Variants in NAA11 observed in about 807,000 individuals in gnomAD.
NAA11 encodes the protein N-alpha-acetyltransferase 11, NatA catalytic subunit, also known as N-alpha-acetyltransferase 11.
Under a neutral mutation model 16.1 loss-of-function variants are expected in NAA11, and 15 were observed. That is an observed-to-expected ratio of 0.93 (90% CI 0.62 to 1.44). NAA11 has a LOEUF of 1.44. Among genes scored for constraint, NAA11 ranks in the 40% most tolerant of loss-of-function variants. NAA11 has a pLI of 0.00. For missense variants in NAA11, 298 were observed against 291.3 expected (o/e 1.02, Z -0.17); for synonymous variants, 122 against 112.4 (o/e 1.09, Z -0.54).
downstream of NAA11, among the ~76,000 whole-genome samples, chr4:79,222,424 G>T (rs1245635532): frequency 6.0e-5 from 9 of 151,180 alleles, no homozygotes; most frequent in Admixed American, 6.0e-4. Flanking sequence ...ATGGTGCTGG[G>T]AAAACTGGCT....
the NAA11 span, among the ~76,000 whole-genome samples, chr4:79,187,065 A>G: frequency 6.6e-6 from 1 of 152,292 alleles, no homozygotes; most frequent in East Asian, 1.9e-4. Context: ...TATTTTTATT[A>G]TTACATTTTA....
chr4:79,161,737 T>C, the NAA11 span, among the ~76,000 whole-genome samples: 2 of 151,368 alleles, frequency 1.3e-5, no homozygotes, highest in African/African-American at 4.9e-5. Context: ...TGCAGTGGCA[T>C]GATCTCGGCT....
intron 2 of NAA11, among the ~76,000 whole-genome samples, chr4:79,285,895 A>C (rs1410159025): frequency 9.9e-5 from 15 of 152,046 alleles, no homozygotes; most frequent in Admixed American, 9.2e-4. Flanking sequence ...TAGGCATTCA[A>C]ATATTCCATT....
Position 79,294,889 on chromosome 4 carries a change from A to G in NAA11, c.*13-775T>C, listed in dbSNP as rs1723174253. ...AAACCTTCTTATTGCCTATTTTTGT[A>G]TAATTTACGCCTATAGTTCATCCCC... On this transcript the variant is annotated intron_variant and NMD_transcript_variant, in intron 1 of 2. Transcript: ENST00000511542. Among the ~76,000 whole-genome samples, 4 of 152,314 alleles carry G rather than the reference A, an allele frequency of 2.6e-5. No homozygotes were observed. In the South Asian group the frequency reaches 8.3e-4, roughly 32 times the overall value.
At chr4:79,218,852 T>C in the NAA11 span, among the ~76,000 whole-genome samples, 1 of 152,156 alleles carries the variant, frequency 6.6e-6, no homozygotes, top group Non-Finnish European at 1.5e-5. Context: ...ATGTATATGC[T>C]GAATTCAATT....
intron 2 of NAA11, among the ~76,000 whole-genome samples, chr4:79,292,110 G>C (rs1723100311): frequency 1.3e-5 from 2 of 152,270 alleles, no homozygotes; most frequent in African/African-American, 4.8e-5. Context: ...TTAGACATCA[G>C]AAACAGTTGA....
chr4:79,223,283 G>A (rs1339385767), downstream of NAA11, among the ~76,000 whole-genome samples: 1 of 146,516 alleles, frequency 6.8e-6, no homozygotes, highest in East Asian at 2.0e-4. Flanking sequence ...AAGAAAATGT[G>A]GCACATATAC....
At chr4:79,318,305 C>T (rs548125715) in intron 1 of NAA11, among the ~76,000 whole-genome samples, 4 of 152,198 alleles carry the variant, frequency 2.6e-5, no homozygotes, top group Admixed American at 1.3e-4. Context: ...CCAAAATAAC[C>T]ATAATGTTTC....
In NAA11 at chr4:79,316,675, A is replaced by G. The variant is rs1015276549; in HGVS notation, c.*1129T>C. On this transcript the variant is annotated 3_prime_UTR_variant, in exon 2 of 2. Transcript: ENST00000286794. ...GGATTTATCTGGTAACTTTTACTGCAGAGGTCAAGGTACTTTGTCTTCACT... is the reference window on the plus strand; with the variant it reads ...GGATTTATCTGGTAACTTTTACTGCGGAGGTCAAGGTACTTTGTCTTCACT... 3.9e-5 allele frequency: 6 copies of G among 152,232 alleles called. No homozygotes were observed. Among genetic ancestry groups the G allele is most frequent in the African/African-American group, 1.4e-4 (6 of 41,464 alleles). 9.4% of individuals were successfully genotyped at this position (152,232 alleles called of 1,614,324 possible). A position where few individuals can be genotyped will look rare whatever the true frequency, so the allele number is the denominator to read the frequency against.
the NAA11 span, among the ~76,000 whole-genome samples, chr4:79,216,656 A>G: frequency 6.6e-6 from 1 of 152,144 alleles, no homozygotes; most frequent in Non-Finnish European, 1.5e-5. Context: ...GACATCACTA[A>G]TCATTTAAAA....
intron 2 of NAA11, among the ~76,000 whole-genome samples, chr4:79,293,372 T>A (rs1439511042): frequency 6.6e-6 from 1 of 152,190 alleles, no homozygotes. Context: ...CAGTAGAGAA[T>A]CCCAATAATA....
At chr4:79,269,045 G>T in intron 2 of NAA11, among the ~76,000 whole-genome samples, 1 of 115,278 alleles carries the variant, frequency 8.7e-6, no homozygotes, top group African/African-American at 3.8e-5. Flanking sequence ...CATTTTTTAT[G>T]GCTGCATAGT....
chr4:79,247,779 T>C (rs1721875058), intron 2 of NAA11, among the ~76,000 whole-genome samples: 1 of 151,856 alleles, frequency 6.6e-6, no homozygotes, highest in African/African-American at 2.4e-5. Flanking sequence ...AAGGGGTGAG[T>C]TAAGCAGGTG....
chr4:79,243,695 A>G (rs1400629890), intron 2 of NAA11, among the ~76,000 whole-genome samples: 2 of 152,240 alleles, frequency 1.3e-5, no homozygotes, highest in Non-Finnish European at 2.9e-5. Context: ...TCCTCAGAAG[A>G]AAGAATTCAA....
chr4:79,303,761 TGA>T (rs1723480112), intron 1 of NAA11, among the ~76,000 whole-genome samples: 1 of 152,204 alleles, frequency 6.6e-6, no homozygotes, highest in Non-Finnish European at 1.5e-5. Flanking sequence ...AAAAAGTTGC[TGA>T]GAATAAGTTT....
the NAA11 span, among the ~76,000 whole-genome samples, chr4:79,159,700 C>T: frequency 6.6e-6 from 1 of 152,190 alleles, no homozygotes; most frequent in African/African-American, 2.4e-5. Flanking sequence ...TTAGAAGTCA[C>T]TCCCCATTAT....
At chr4:79,241,271 A>T (rs188102303) in intron 2 of NAA11, among the ~76,000 whole-genome samples, 18 of 152,306 alleles carry the variant, frequency 1.2e-4, no homozygotes, top group African/African-American at 4.1e-4. Context: ...TATTTTCTCT[A>T]GCTTACTTTA....
chr4:79,318,783 ATC>A (rs1285979883), intron 1 of NAA11, among the ~76,000 whole-genome samples: 8 of 152,256 alleles, frequency 5.3e-5, no homozygotes, highest in Admixed American at 1.3e-4. Flanking sequence ...TGTTTTAGTT[ATC>A]TCAGTAAATA....
At chr4:79,313,486 G>A (rs1170649973), downstream of NAA11, among the ~76,000 whole-genome samples, 1 of 152,144 alleles carries the variant, frequency 6.6e-6, no homozygotes, top group Non-Finnish European at 1.5e-5. Context: ...CTCTAGGTAA[G>A]CGCCTGTGAA....
Sources: gnomAD v4.1 joint callset for allele counts (sites outside exome capture counted in the v4.1 genomes callset) on GRCh38, gnomAD v4.1.1 for gene constraint, MANE v1.5 for transcripts, NCBI Gene and HGNC (gene_info 2026-07-23, HGNC 2026-07-21) for gene names.